Variants in CEP112 observed in about 807,000 individuals in gnomAD.
CEP112 encodes centrosomal protein of 112 kDa.
CEP112 carries 127 observed loss-of-function variants against 153.0 expected under a neutral mutation model. The observed-to-expected ratio is 0.83, with a 90% CI of 0.72 to 0.96. The LOEUF is 0.96. CEP112 is among the 40% of genes least tolerant of loss of function. The pLI, the probability that CEP112 is intolerant of heterozygous loss-of-function variation, is 0.00. For missense variants in CEP112, 1,089 were observed against 1,101.2 expected (o/e 0.99, Z 0.16); for synonymous variants, 358 against 374.4 (o/e 0.96, Z 0.51).
chr17:66,130,336 G>A (rs893015895), intron 5 of CEP112, among the ~76,000 whole-genome samples: 1 of 152,078 alleles, frequency 6.6e-6, no homozygotes, highest in Non-Finnish European at 1.5e-5. Flanking sequence ...TCGGGGGCAG[G>A]GGCGACGTGA....
intron 21 of CEP112, among the ~76,000 whole-genome samples, chr17:65,794,019 T>G (rs189735032): frequency 1.5e-4 from 23 of 152,354 alleles, no homozygotes; most frequent in African/African-American, 5.5e-4. Flanking sequence ...CTCTTTCCAC[T>G]GAAACTTCTG....
At chr17:65,740,020 C>CA (rs1244666118) in intron 23 of CEP112, among the ~76,000 whole-genome samples, 3 of 152,132 alleles carry the variant, frequency 2.0e-5, no homozygotes, top group African/African-American at 7.2e-5. Context: ...TTCTACCACT[C>CA]AGAGATATCC....
chr17:65,902,012 A>AAAAAAAAAAAAAAC, intron 20 of CEP112, 140 bp downstream of exon 20: 1 of 444,894 alleles, frequency 2.2e-6, no homozygotes, highest in Non-Finnish European at 3.9e-6. Context: ...GGGGGAGAAA[A>AAAAAAAAAAAAAAC]ACAAAAAAAA....
intron 21 of CEP112, among the ~76,000 whole-genome samples, chr17:65,754,480 ATG>A (rs2052100348): frequency 6.6e-6 from 1 of 152,222 alleles, no homozygotes; most frequent in Admixed American, 6.5e-5. Flanking sequence ...GTGGTGGTGC[ATG>A]CCTGTAATCC....
intron 6 of CEP112, among the ~76,000 whole-genome samples, chr17:66,102,036 A>G (rs911837813): frequency 6.6e-6 from 1 of 152,218 alleles, no homozygotes; most frequent in Non-Finnish European, 1.5e-5. Flanking sequence ...TCACCATCTC[A>G]ACAGTTATTT....
intron 20 of CEP112, among the ~76,000 whole-genome samples, chr17:65,883,683 C>T (rs2059168555): frequency 6.6e-6 from 1 of 152,112 alleles, no homozygotes; most frequent in Non-Finnish European, 1.5e-5. Flanking sequence ...TTATATTTTA[C>T]TCTAAGTGCA....
chr17:65,917,637 T>A (rs1156493296), intron 19 of CEP112, among the ~76,000 whole-genome samples: 1 of 152,102 alleles, frequency 6.6e-6, no homozygotes, highest in Non-Finnish European at 1.5e-5. Flanking sequence ...ACCTCAGTAA[T>A]AAGAATGTCT....
At chr17:66,022,375 A>C (rs182736077) in intron 16 of CEP112, among the ~76,000 whole-genome samples, 383 of 152,260 alleles carry the variant, frequency 2.5e-3, no homozygotes, top group Non-Finnish European at 3.0e-3. Context: ...GAACACAGTA[A>C]TTTTCTAGCA....
chr17:65,760,218 A>T (rs1404964659), intron 21 of CEP112, among the ~76,000 whole-genome samples: 1 of 152,054 alleles, frequency 6.6e-6, no homozygotes, highest in Non-Finnish European at 1.5e-5. Context: ...AGAGAGTTCT[A>T]TTTCTTCCTT....
chr17:65,913,775 C>T (rs1054997596), intron 19 of CEP112: 5 of 985,292 alleles, frequency 5.1e-6, no homozygotes, highest in Non-Finnish European at 6.0e-6. Context: ...GCTCATGATA[C>T]AGGGAGAGCA....
intron 24 of CEP112, among the ~76,000 whole-genome samples, chr17:65,672,924 T>C (rs2047057775): frequency 6.6e-6 from 1 of 152,224 alleles, no homozygotes; most frequent in African/African-American, 2.4e-5. Flanking sequence ...GAAAGGAAAC[T>C]AGTAAAATCC....
intron 21 of CEP112, among the ~76,000 whole-genome samples, chr17:65,778,565 T>C (rs1211287923): frequency 1.3e-5 from 2 of 152,128 alleles, no homozygotes; most frequent in Non-Finnish European, 2.9e-5. Flanking sequence ...CAGCCCTTAG[T>C]AGTTGCTTGA....
chr17:65,750,605 G>A (rs2051767460), intron 22 of CEP112, 57 bp downstream of exon 22: 1 of 1,430,364 alleles, frequency 7.0e-7, no homozygotes, highest in African/African-American at 1.4e-5. Context: ...GCTTTTATGT[G>A]GAGGTTTCAT....
At chr17:66,086,898 TTAA>T (rs2067960070) in intron 8 of CEP112, among the ~76,000 whole-genome samples, 1 of 152,236 alleles carries the variant, frequency 6.6e-6, no homozygotes, top group Non-Finnish European at 1.5e-5. Context: ...ACATGCTACT[TTAA>T]AAGATAGATG....
intron 21 of CEP112, among the ~76,000 whole-genome samples, chr17:65,848,407 T>C (rs1393965521): frequency 6.6e-6 from 1 of 152,296 alleles, no homozygotes; most frequent in African/African-American, 2.4e-5. Context: ...CCTTTCCAAA[T>C]AGTCTTTTCC....
At chr17:65,851,605 A>T (rs566758916) in intron 21 of CEP112, among the ~76,000 whole-genome samples, 199 bp downstream of exon 21, 47 of 152,254 alleles carry the variant, frequency 3.1e-4, no homozygotes, top group Admixed American at 6.5e-4. Flanking sequence ...GCCAAGGGAA[A>T]AGTTAGGAAA....
intron 21 of CEP112, among the ~76,000 whole-genome samples, chr17:65,845,673 AT>A (rs2057702478): frequency 6.6e-6 from 1 of 152,222 alleles, no homozygotes; most frequent in African/African-American, 2.4e-5. Flanking sequence ...CCAAAGTTTA[AT>A]CAAACTTCTG....
At chr17:65,695,422 T>C (rs987763013) in intron 23 of CEP112, among the ~76,000 whole-genome samples, 1 of 152,228 alleles carries the variant, frequency 6.6e-6, no homozygotes, top group Non-Finnish European at 1.5e-5. Context: ...AATGCTATTT[T>C]AATAATATGT....
chr17:65,889,044 G>T (rs538774388), intron 20 of CEP112, among the ~76,000 whole-genome samples: 11 of 152,064 alleles, frequency 7.2e-5, no homozygotes, highest in Non-Finnish European at 1.2e-4. Flanking sequence ...GTACCTAATT[G>T]GCAAAGTTCT....
Sources: gnomAD v4.1 joint callset for allele counts (sites outside exome capture counted in the v4.1 genomes callset) on GRCh38, gnomAD v4.1.1 for gene constraint, MANE v1.5 for transcripts, NCBI Gene and HGNC (gene_info 2026-07-23, HGNC 2026-07-21) for gene names.